The following PICALM variants were observed in gnomAD, a reference collection of about 807,000 sequenced individuals.
PICALM encodes the protein phosphatidylinositol binding clathrin assembly protein.
In PICALM, 40 loss-of-function variants were observed where a neutral mutation model predicts 80.5. The observed-to-expected ratio is 0.50, with a 90% CI of 0.39 to 0.65. The LOEUF (loss-of-function observed/expected upper bound fraction) is 0.65, where lower values mean the gene tolerates loss of function less well. Among genes scored for constraint, PICALM ranks in the 30% least tolerant of loss-of-function variants. PICALM has a pLI of 0.00. For missense variants in PICALM, 676 were observed against 778.9 expected (o/e 0.87, Z 1.57); for synonymous variants, 288 against 260.3 (o/e 1.11, Z -1.02).
At chr11:86,011,444 G>T (rs1430617540) in intron 6 of PICALM, among the ~76,000 whole-genome samples, 1 of 152,172 alleles carries the variant, frequency 6.6e-6, no homozygotes, top group Non-Finnish European at 1.5e-5. Flanking sequence ...ATTTAAAACA[G>T]CACTAACATC....
chr11:85,970,225 A>T (rs2094055018), intron 19 of PICALM, among the ~76,000 whole-genome samples: 1 of 152,206 alleles, frequency 6.6e-6, no homozygotes, highest in Non-Finnish European at 1.5e-5. Context: ...GTCTGTAAGA[A>T]AAAATAATGC....
chr11:85,965,813 T>TG (rs2093867097), intron 19 of PICALM, among the ~76,000 whole-genome samples: 2 of 83,558 alleles, frequency 2.4e-5, no homozygotes, highest in Admixed American at 1.4e-4. Flanking sequence ...TTTTGTTTTT[T>TG]TGTTTTTTTT....
chr11:85,976,735 C>CA, intron 17 of PICALM, 53 bp from the exon 18 acceptor site: 3 of 1,067,772 alleles, frequency 2.8e-6, no homozygotes, highest in Non-Finnish European at 4.4e-6. Flanking sequence ...TGTGTGTCAA[C>CA]TGAGTTCAAG....
chr11:86,033,155 A>C (rs761915419), intron 1 of PICALM, among the ~76,000 whole-genome samples: 31 of 152,208 alleles, frequency 2.0e-4, no homozygotes, highest in Non-Finnish European at 1.0e-4. Flanking sequence ...TCTTCATAGC[A>C]CTTTATAACT....
At chr11:86,039,479 G>C (rs2095908992) in intron 1 of PICALM, among the ~76,000 whole-genome samples, 1 of 152,110 alleles carries the variant, frequency 6.6e-6, no homozygotes, top group Admixed American at 6.5e-5. Context: ...TCTACCATTT[G>C]TAAAATTGCC....
rs775351607 is a variant in PICALM at position 85,958,829 on chromosome 11, T to C, written c.*217A>G. 4.7e-6 allele frequency: 2 copies of C among 424,612 alleles called. No homozygotes were observed. Among genetic ancestry groups the C allele is most frequent in the Non-Finnish European group, 8.5e-6 (2 of 235,236 alleles). The allele number at this position is 424,612 out of a possible 1,614,324, so 26.3% of individuals were successfully genotyped here. ...CAAAAAGACAGATCTTAGTCTTAAA[T>C]CATAGCAATTCTTGGCTTTATAAAC... On this transcript the variant is annotated 3_prime_UTR_variant, in exon 20 of 20. Transcript: ENST00000393346.
chr11:86,009,827 C>T (rs2095360661), intron 7 of PICALM, among the ~76,000 whole-genome samples: 1 of 152,230 alleles, frequency 6.6e-6, no homozygotes, highest in African/African-American at 2.4e-5. Context: ...ATAAACACCA[C>T]CTTCTTCTGT....
In PICALM at chr11:86,068,573, AAGAC is replaced by A. The variant is rs2096481135; in HGVS notation, c.130+74_130+77del. 5.7e-6 allele frequency: 8 copies of A among 1,394,280 alleles called. No individual in the cohort carries two copies. The South Asian group carries it at 7.7e-5, about 13-fold the overall frequency. The allele number at this position is 1,394,280 out of a possible 1,614,324, so 86.4% of individuals were successfully genotyped here. Reference sequence around the variant, plus strand: ...GAGGGAAGAGGCAGTAGAAGGGTGAAAGACAAGAGAGAGAGAGAAGGACGCGCGC... The same window carrying A: ...GAGGGAAGAGGCAGTAGAAGGGTGAAAAGAGAGAGAGAGAAGGACGCGCGC... On this transcript the variant is annotated intron_variant, in intron 1 of 19. Transcript: ENST00000393346.
At chr11:85,995,564 GT>G (rs1264823249) in intron 12 of PICALM, among the ~76,000 whole-genome samples, 3 of 152,048 alleles carry the variant, frequency 2.0e-5, no homozygotes, top group Non-Finnish European at 2.9e-5. Flanking sequence ...TCTTTGAAAT[GT>G]TTAATATATT....
intron 3 of PICALM, among the ~76,000 whole-genome samples, chr11:86,024,335 C>A (rs1401515391): frequency 1.3e-5 from 2 of 149,670 alleles, no homozygotes; most frequent in African/African-American, 5.0e-5. Context: ...GTATTAAATT[C>A]TTTTTAAGCA....
chr11:86,034,081 T>A (rs531492121), intron 1 of PICALM, among the ~76,000 whole-genome samples: 47 of 152,316 alleles, frequency 3.1e-4, no homozygotes, highest in African/African-American at 1.1e-3. Context: ...AAACTGGAGT[T>A]ATTTTGAAGG....
chr11:86,013,743 T>C (rs956442051), intron 5 of PICALM, among the ~76,000 whole-genome samples: 3 of 152,200 alleles, frequency 2.0e-5, no homozygotes, highest in Non-Finnish European at 2.9e-5. Flanking sequence ...AATAACTGCA[T>C]CAGTACCCCA....
At chr11:85,999,196 A>AT (rs1490447671) in intron 11 of PICALM, among the ~76,000 whole-genome samples, 1 of 152,220 alleles carries the variant, frequency 6.6e-6, no homozygotes, top group Non-Finnish European at 1.5e-5. Flanking sequence ...TTCTAACTGT[A>AT]TTTTTATAAA....
At chr11:86,014,747 C>A in intron 5 of PICALM, 123 bp downstream of exon 5, 2 of 496,178 alleles carry the variant, frequency 4.0e-6, no homozygotes, top group Non-Finnish European at 3.5e-6. Flanking sequence ...TATAAAAAAT[C>A]CTTAGCCATA....
intron 4 of PICALM, among the ~76,000 whole-genome samples, chr11:86,021,938 T>C (rs1015957608): frequency 5.9e-5 from 9 of 152,236 alleles, no homozygotes; most frequent in African/African-American, 1.9e-4. Context: ...TTGTATAATT[T>C]CATTTATATG....
chr11:86,000,131 T>G (rs1262509706), intron 11 of PICALM, among the ~76,000 whole-genome samples: 1 of 152,242 alleles, frequency 6.6e-6, no homozygotes, highest in East Asian at 1.9e-4. Flanking sequence ...CCATGTTAAG[T>G]AGCTTAAATT....
intron 2 of PICALM, among the ~76,000 whole-genome samples, chr11:86,028,933 G>A (rs2095700356): frequency 6.6e-6 from 1 of 151,280 alleles, no homozygotes; most frequent in Non-Finnish European, 1.5e-5. Flanking sequence ...CGCTTCCCAG[G>A]TTTAAGCGAT....
intron 19 of PICALM, chr11:85,960,705 A>G (rs1375070331): frequency 7.6e-7 from 1 of 1,317,742 alleles, no homozygotes; most frequent in Non-Finnish European, 1.0e-6. Context: ...TCCTCCAAAG[A>G]GAGCTCTGCA....
intron 1 of PICALM, among the ~76,000 whole-genome samples, chr11:86,057,264 C>T (rs1055279691): frequency 2.6e-5 from 4 of 152,118 alleles, no homozygotes; most frequent in African/African-American, 7.2e-5. Context: ...TGGGGCCAGG[C>T]GCGGTGGCTC....
Sources: allele counts gnomAD v4.1 joint callset (sites outside exome capture counted in the v4.1 genomes callset), GRCh38; gene constraint gnomAD v4.1.1; transcripts MANE v1.5; gene names NCBI Gene and HGNC (gene_info 2026-07-23, HGNC 2026-07-21).